The following DIPK1A variants were observed in gnomAD, a reference collection of about 807,000 sequenced individuals.
DIPK1A encodes the protein divergent protein kinase domain 1A.
DIPK1A carries 27 observed loss-of-function variants against 40.8 expected under a neutral mutation model. The ratio of observed to expected loss-of-function variants is 0.66; its 90% CI spans 0.49 to 0.91. The LOEUF is 0.91. DIPK1A is among the 40% of genes least tolerant of loss of function. The probability of loss-of-function intolerance (pLI) is 0.00; values close to 1 mark genes in which losing one functional copy is unlikely to be tolerated. For synonymous variants in DIPK1A, 166 were observed against 171.3 expected, an observed-to-expected ratio of 0.97 and a Z score of 0.24; for missense variants, 412 against 505.7, an observed-to-expected ratio of 0.81 and a Z score of 1.78.
intron 1 of DIPK1A, among the ~76,000 whole-genome samples, chr1:92,919,030 G>A (rs1355070608): frequency 6.6e-6 from 1 of 152,118 alleles, no homozygotes; most frequent in African/African-American, 2.4e-5. Context: ...GGCTGGTACT[G>A]GTCTGCAGCC....
chr1:92,836,011 GT>G (rs957223377), intron 4 of DIPK1A, among the ~76,000 whole-genome samples: 6 of 150,338 alleles, frequency 4.0e-5, no homozygotes, highest in East Asian at 1.9e-4. Flanking sequence ...AATGTTTTAA[GT>G]TTTTTTTTTA....
chr1:92,918,376 TCACCTCAGGTGATGCGCCTGCCTC>T (rs1650137574), intron 1 of DIPK1A, among the ~76,000 whole-genome samples: 1 of 152,200 alleles, frequency 6.6e-6, no homozygotes, highest in Non-Finnish European at 1.5e-5. Context: ...CTTGAACTCT[TCACCTCAGGTGATGCGCCTGCCTC>T]AGCCTCCCAA....
In DIPK1A at chr1:92,835,378, C is replaced by T. The variant is rs139844187; in HGVS notation, c.475-2344G>A. ...TTAAAACTGGAGAATCTTGGCTAGG[C>T]GCGGTGGCTCACACTTATAATCCCA... On this transcript the variant is annotated intron_variant, in intron 4 of 4. Coordinates refer to the DIPK1A transcript ENST00000615519. 185 of 221,468 alleles carry T rather than the reference C, an allele frequency of 8.4e-4. 1 individual carries two copies. Among genetic ancestry groups the T allele is most frequent in the African/African-American group, 4.1e-3 (180 of 43,974 alleles). 13.7% of individuals were successfully genotyped at this position (221,468 alleles called of 1,614,324 possible). A position where few individuals can be genotyped will look rare whatever the true frequency, so the allele number is the denominator to read the frequency against.
chr1:92,947,816 T>C (rs960737974), intron 1 of DIPK1A, among the ~76,000 whole-genome samples: 2 of 152,184 alleles, frequency 1.3e-5, no homozygotes, highest in Admixed American at 6.5e-5. Flanking sequence ...AAATACCACA[T>C]GTTTTCACTC....
chr1:92,958,066 C>T (rs978126301), intron 1 of DIPK1A, among the ~76,000 whole-genome samples: 3 of 152,186 alleles, frequency 2.0e-5, no homozygotes, highest in African/African-American at 7.2e-5. Flanking sequence ...CACTTTATTG[C>T]TGAATAATAT....
At chr1:92,960,963 C>A (rs1446026128) in intron 1 of DIPK1A, among the ~76,000 whole-genome samples, 2 of 152,202 alleles carry the variant, frequency 1.3e-5, no homozygotes, top group African/African-American at 4.8e-5. Context: ...AACCGACCTG[C>A]GGGGGCCCAC....
intron 1 of DIPK1A, among the ~76,000 whole-genome samples, chr1:92,942,297 C>T (rs1651184134): frequency 6.6e-6 from 1 of 152,194 alleles, no homozygotes; most frequent in African/African-American, 2.4e-5. Flanking sequence ...TAAATTATCT[C>T]ATGAGTCTTT....
rs537906550 is a variant in DIPK1A, at chr1:92,930,532, C to T, written c.54+30844G>A. 2.6e-5 allele frequency among the ~76,000 whole-genome samples: 4 copies of T among 152,304 alleles called. No individual in the cohort carries two copies. In the East Asian group the frequency reaches 7.7e-4, roughly 29 times the overall value. Reference sequence around the variant, plus strand: ...TATTAACTAAATCCACCATCAGTAACTCTCCTTAGCCTTCAGGATATAGAA... The same window carrying T: ...TATTAACTAAATCCACCATCAGTAATTCTCCTTAGCCTTCAGGATATAGAA... On this transcript the variant is annotated intron_variant, in intron 1 of 4. Transcript: ENST00000370310.
chr1:92,959,902 ACTTTTTTTT>A (rs1557502662), intron 1 of DIPK1A, among the ~76,000 whole-genome samples: 5 of 43,104 alleles, frequency 1.2e-4, no homozygotes, highest in Non-Finnish European at 1.5e-4. Context: ...CACCCAACCA[ACTTTTTTTT>A]TTTTTTTTTT....
Position 92,861,917 on chromosome 1 carries a change from C to G in DIPK1A, c.190-10962G>C, listed in dbSNP as rs1381931824. Among the ~76,000 whole-genome samples the G allele has an allele frequency of 1.3e-5, 2 of 152,086 alleles. 1 individual carries two copies. The highest frequency in any genetic ancestry group is 1.3e-4 in the Admixed American group (2 of 15,262). ...ACCTCGGCCTCCCAAGTAGCTGGGA[C>G]TATAGGCACGCACTACCACACCCGG... On this transcript the variant is annotated intron_variant, in intron 2 of 4. Coordinates refer to ENST00000370310, the MANE Select transcript of DIPK1A (RefSeq NM_001006605.5).
At chr1:92,920,619 GT>G (rs2100852769) in intron 1 of DIPK1A, among the ~76,000 whole-genome samples, 1 of 152,336 alleles carries the variant, frequency 6.6e-6, no homozygotes, top group Admixed American at 6.5e-5. Flanking sequence ...GGAGAAGATA[GT>G]TTCTTAACTC....
chr1:92,877,850 G>A (rs890945313), intron 1 of DIPK1A, among the ~76,000 whole-genome samples: 1 of 152,142 alleles, frequency 6.6e-6, no homozygotes, highest in Non-Finnish European at 1.5e-5. Flanking sequence ...GACAGAAATC[G>A]ACATGTACTA....
At chr1:92,943,399 G>C (rs1240142611) in intron 1 of DIPK1A, among the ~76,000 whole-genome samples, 1 of 152,126 alleles carries the variant, frequency 6.6e-6, no homozygotes, top group Non-Finnish European at 1.5e-5. Flanking sequence ...TGGAACACCT[G>C]ATGGCTCTGG....
rs188831789 is a variant in DIPK1A, at chr1:92,886,417, C to T, written c.55-9987G>A. ...CCCAGGGTGGTCTCCAATTCCTGGG[C>T]TCAAGCAATTGGCCTGCCTCAGCCT... On this transcript the variant is annotated intron_variant, in intron 1 of 4. Transcript: ENST00000370310. 4.5e-3 allele frequency among the ~76,000 whole-genome samples: 684 copies of T among 152,052 alleles called. 15 individuals are homozygous for T. Among genetic ancestry groups the T allele is most frequent in the Admixed American group, 0.037 (558 of 15,256 alleles).
At chr1:92,863,631 G>T (rs1341770183) in intron 2 of DIPK1A, among the ~76,000 whole-genome samples, 1 of 150,634 alleles carries the variant, frequency 6.6e-6, no homozygotes, top group Non-Finnish European at 1.5e-5. Context: ...CTTAGAATAG[G>T]GTTTATGTGT....
At position 92,844,668 on chromosome 1, in the gene DIPK1A, ATCC is replaced by A. The variant is rs199836730; in HGVS notation, c.475-476_475-474del. ...GGTCTCAAACTCCTGGGCTCAGGTG[ATCC>A]TCCTACCTCAGCCTCCCAAAGTGCT... On this transcript the variant is annotated intron_variant, in intron 4 of 4. Coordinates refer to ENST00000370310, the MANE Select transcript of DIPK1A (RefSeq NM_001006605.5). 8.0e-3 allele frequency among the ~76,000 whole-genome samples: 1,210 copies of A among 152,194 alleles called. 20 individuals are homozygous for A. The highest frequency in any genetic ancestry group is 0.031 in the South Asian group (150 of 4,828).
chr1:92,924,852 A>G (rs538025463), intron 1 of DIPK1A, among the ~76,000 whole-genome samples: 1 of 152,226 alleles, frequency 6.6e-6, no homozygotes, highest in Non-Finnish European at 1.5e-5. Context: ...GTCATGTCCC[A>G]TGGGCCTTCG....
At chr1:92,908,266 A>T (rs1369284163) in intron 1 of DIPK1A, among the ~76,000 whole-genome samples, 2 of 152,178 alleles carry the variant, frequency 1.3e-5, no homozygotes, top group African/African-American at 4.8e-5. Flanking sequence ...AGTAGTCGTC[A>T]TCACCTGAGG....
chr1:92,875,641 T>C (rs956292631), intron 2 of DIPK1A, among the ~76,000 whole-genome samples: 1 of 147,798 alleles, frequency 6.8e-6, no homozygotes, highest in Non-Finnish European at 1.5e-5. Flanking sequence ...TGCTTGAACC[T>C]GGGAGGCAGT....
Sources: gnomAD v4.1 joint callset for allele counts (sites outside exome capture counted in the v4.1 genomes callset) on GRCh38, gnomAD v4.1.1 for gene constraint, MANE v1.5 for transcripts, NCBI Gene and HGNC (gene_info 2026-07-23, HGNC 2026-07-21) for gene names.